Variants in GRIK2 observed in about 807,000 individuals in gnomAD.
The protein encoded by GRIK2 is glutamate ionotropic receptor kainate type subunit 2.
In GRIK2, 32 loss-of-function variants were observed where a neutral mutation model predicts 100.3. That is an observed-to-expected ratio of 0.32 (90% confidence interval 0.24 to 0.43). The LOEUF (loss-of-function observed/expected upper bound fraction) is 0.43. Among genes scored for constraint, GRIK2 ranks in the 20% least tolerant of loss-of-function variants. GRIK2 has a pLI of 1.00. For synonymous variants in GRIK2, 417 were observed against 389.4 expected, an observed-to-expected ratio of 1.07 and a Z score of -0.83; for missense variants, 843 against 1,114.9, an observed-to-expected ratio of 0.76 and a Z score of 3.47.
chr6:101,664,442 GAGAT>G (rs1159508930), intron 4 of GRIK2, among the ~76,000 whole-genome samples: 1 of 152,162 alleles, frequency 6.6e-6, no homozygotes, highest in African/African-American at 2.4e-5. Flanking sequence ...AATAAGCAAA[GAGAT>G]AGAATTAAAA....
chr6:101,595,708 G>GTATATATATATATATA (rs1334674645), intron 2 of GRIK2, among the ~76,000 whole-genome samples: 2 of 125,578 alleles, frequency 1.6e-5, no homozygotes, highest in African/African-American at 6.3e-5. Context: ...ATGTGTGTGT[G>GTATATATATATATATA]TGTGTGTGTG....
intron 2 of GRIK2, among the ~76,000 whole-genome samples, chr6:101,488,493 A>C (rs147354305): frequency 0.025 from 3,726 of 146,896 alleles, 390 homozygotes; most frequent in South Asian, 0.043. Context: ...ATTTTGTGTG[A>C]GGTTTATCAG....
At chr6:101,661,141 GGCTGCTGC>G (rs1320030402) in intron 4 of GRIK2, among the ~76,000 whole-genome samples, 2 of 152,134 alleles carry the variant, frequency 1.3e-5, no homozygotes, top group Non-Finnish European at 2.9e-5. Flanking sequence ...CCCTGACTGG[GGCTGCTGC>G]CTTTCTTTCA....
chr6:101,420,045 T>G (rs1554196968), intron 2 of GRIK2, among the ~76,000 whole-genome samples: 1 of 152,200 alleles, frequency 6.6e-6, no homozygotes, highest in African/African-American at 2.4e-5. Context: ...AACAGTGAAA[T>G]TAATAATGAT....
At position 101,556,321 on chromosome 6, in the gene GRIK2, A is replaced by ATTTTTTTTTTTTTTTTTTTTTTTT. The variant is rs10528480; in HGVS notation, c.116-65620_116-65597dup. Among the ~76,000 whole-genome samples the ATTTTTTTTTTTTTTTTTTTTTTTT allele has an allele frequency of 2.1e-3, 126 of 59,402 alleles. 37 individuals are homozygous for ATTTTTTTTTTTTTTTTTTTTTTTT. Among genetic ancestry groups the ATTTTTTTTTTTTTTTTTTTTTTTT allele is most frequent in the Non-Finnish European group, 3.5e-3 (95 of 27,412 alleles). The allele number at this position is 59,402 out of a possible 152,430, so 39.0% of individuals were successfully genotyped here. A position where few individuals can be genotyped will look rare whatever the true frequency, so the allele number is the denominator to read the frequency against. On this transcript the variant is annotated intron_variant, in intron 2 of 16. Coordinates refer to ENST00000369134, the MANE Select transcript of GRIK2 (RefSeq NM_021956.5). The stretch of plus-strand genomic sequence containing the variant: ...AATTGCACTATGTAATATATTGGTA[A>ATTTTTTTTTTTTTTTTTTTTTTTT]TTTTTTTTTTTTTTTTTTTTTTTTT...
chr6:102,043,166 A>T (rs891461599), intron 15 of GRIK2, among the ~76,000 whole-genome samples: 1 of 151,944 alleles, frequency 6.6e-6, no homozygotes, highest in Non-Finnish European at 1.5e-5. Context: ...AAAATTTTTT[A>T]AACTAAACAG....
chr6:101,692,887 A>C (rs536536507), intron 7 of GRIK2, among the ~76,000 whole-genome samples: 2 of 152,106 alleles, frequency 1.3e-5, no homozygotes, highest in Non-Finnish European at 2.9e-5. Flanking sequence ...TAAGTACAAC[A>C]TTTGTTACAT....
intron 7 of GRIK2, among the ~76,000 whole-genome samples, chr6:101,777,455 A>T (rs1778817720): frequency 6.6e-6 from 1 of 152,202 alleles, no homozygotes; most frequent in South Asian, 2.1e-4. Flanking sequence ...TAATATCTGT[A>T]TTATCTAACT....
chr6:101,648,394 C>A (rs1781627757), intron 4 of GRIK2, among the ~76,000 whole-genome samples: 1 of 152,044 alleles, frequency 6.6e-6, no homozygotes, highest in Admixed American at 6.6e-5. Flanking sequence ...GTTTATTGAT[C>A]CAGATTCTCC....
chr6:101,617,848 C>G (rs1377894233), intron 2 of GRIK2, among the ~76,000 whole-genome samples: 2 of 151,656 alleles, frequency 1.3e-5, no homozygotes, highest in Non-Finnish European at 3.0e-5. Context: ...CTCTGTCACA[C>G]ACACACACGT....
chr6:101,418,098 A>AGGAG (rs934975123), intron 2 of GRIK2, among the ~76,000 whole-genome samples: 3 of 152,190 alleles, frequency 2.0e-5, no homozygotes, highest in Non-Finnish European at 4.4e-5. Flanking sequence ...CAGATCTGAG[A>AGGAG]GGAGGAAGGC....
intron 4 of GRIK2, among the ~76,000 whole-genome samples, chr6:101,668,007 T>C (rs927071132): frequency 4.6e-5 from 7 of 152,130 alleles, no homozygotes; most frequent in Middle Eastern, 3.2e-3. Flanking sequence ...TTTTAACATG[T>C]TCTGGGTCTT....
intron 2 of GRIK2, among the ~76,000 whole-genome samples, chr6:101,498,118 T>C (rs1462426097): frequency 6.8e-6 from 1 of 146,748 alleles, no homozygotes; most frequent in Admixed American, 6.9e-5. Flanking sequence ...ACATGTGGTG[T>C]TTGGTTTTTT....
At chr6:101,526,294 A>G (rs1775153000) in intron 2 of GRIK2, among the ~76,000 whole-genome samples, 2 of 152,212 alleles carry the variant, frequency 1.3e-5, no homozygotes, top group South Asian at 4.1e-4. Context: ...TAGGACTTTT[A>G]AAACCTGATA....
chr6:101,419,387 T>G (rs930776627), intron 2 of GRIK2, among the ~76,000 whole-genome samples: 1 of 152,144 alleles, frequency 6.6e-6, no homozygotes, highest in Non-Finnish European at 1.5e-5. Flanking sequence ...GTGGAGGTAT[T>G]TGGGCCTCTT....
At chr6:101,771,301 A>G (rs1583114501) in intron 7 of GRIK2, among the ~76,000 whole-genome samples, 4 of 152,100 alleles carry the variant, frequency 2.6e-5, no homozygotes, top group African/African-American at 7.2e-5. Context: ...AAAAGTACAA[A>G]TAGCTAGTGT....
chr6:101,765,768 T>C (rs1165703659), intron 7 of GRIK2, among the ~76,000 whole-genome samples: 3 of 152,162 alleles, frequency 2.0e-5, no homozygotes, highest in Non-Finnish European at 2.9e-5. Flanking sequence ...TCTGTATAAA[T>C]GGAAGGCACT....
intron 11 of GRIK2, among the ~76,000 whole-genome samples, chr6:101,881,588 G>A (rs773844261): frequency 1.7e-4 from 26 of 151,646 alleles, no homozygotes; most frequent in African/African-American, 3.6e-4. Context: ...AAATTTCTGC[G>A]TACTGATATT....
At chr6:101,702,909 G>A (rs958259454) in intron 7 of GRIK2, among the ~76,000 whole-genome samples, 1 of 151,784 alleles carries the variant, frequency 6.6e-6, no homozygotes, top group African/African-American at 2.4e-5. Context: ...CACACTGATA[G>A]GTTGCCTTTC....
Sources: allele counts gnomAD v4.1 joint callset (sites outside exome capture counted in the v4.1 genomes callset), GRCh38; gene constraint gnomAD v4.1.1; transcripts MANE v1.5; gene names NCBI Gene and HGNC (gene_info 2026-07-23, HGNC 2026-07-21).